MSH3: variants seen among roughly 807,000 people sequenced by gnomAD.
MSH3 encodes the protein DNA mismatch repair protein Msh3.
Under a neutral mutation model 123.3 loss-of-function variants are expected in MSH3, and 106 were observed. The ratio of observed to expected loss-of-function variants is 0.86; its 90% CI spans 0.73 to 1.01. The LOEUF (loss-of-function observed/expected upper bound fraction) is 1.01, where lower values mean the gene tolerates loss of function less well. Among genes scored for constraint, MSH3 ranks in the 50% least tolerant of loss-of-function variants. The probability of loss-of-function intolerance (pLI) is 0.00; values close to 1 mark genes in which losing one functional copy is unlikely to be tolerated. For synonymous variants in MSH3, 515 were observed against 481.4 expected, an observed-to-expected ratio of 1.07 and a Z score of -0.91; for missense variants, 1,459 against 1,347.6, an observed-to-expected ratio of 1.08 and a Z score of -1.29.
chr5:80,835,462 G>A (rs189590623), intron 20 of MSH3, among the ~76,000 whole-genome samples: 2 of 151,722 alleles, frequency 1.3e-5, no homozygotes, highest in East Asian at 3.9e-4. Context: ...TAAGCGGAAG[G>A]TAAAAAAATA....
chr5:80,792,930 C>G, intron 19 of MSH3, 86 bp downstream of exon 19: 1 of 895,354 alleles, frequency 1.1e-6, no homozygotes, highest in Admixed American at 2.1e-5. Flanking sequence ...TTAAAAGTTA[C>G]CCAAATTTCA....
chr5:80,755,967 A>G (rs1020290149), intron 12 of MSH3, among the ~76,000 whole-genome samples: 4 of 152,146 alleles, frequency 2.6e-5, no homozygotes, highest in Admixed American at 2.6e-4. Context: ...TGGTCTGGCA[A>G]TTTCCAAGCT....
intron 12 of MSH3, among the ~76,000 whole-genome samples, chr5:80,749,189 G>A (rs1346445046): frequency 1.3e-5 from 2 of 152,114 alleles, no homozygotes; most frequent in African/African-American, 2.4e-5. Context: ...CTGTCTGCAC[G>A]CTGAGGGGCA....
intron 2 of MSH3, among the ~76,000 whole-genome samples, chr5:80,660,261 A>G (rs945286817): frequency 6.6e-6 from 1 of 151,276 alleles, no homozygotes; most frequent in African/African-American, 2.4e-5. Flanking sequence ...GTTGAAAGGC[A>G]CTTCTTACAT....
chr5:80,856,284 T>G (rs940776413), intron 21 of MSH3, among the ~76,000 whole-genome samples: 13 of 151,232 alleles, frequency 8.6e-5, no homozygotes, highest in East Asian at 3.9e-4. Context: ...TAACATTTTG[T>G]TTTTTTTAAG....
At chr5:80,819,513 C>T (rs1236888993) in intron 20 of MSH3, among the ~76,000 whole-genome samples, 3 of 148,346 alleles carry the variant, frequency 2.0e-5, no homozygotes, top group Non-Finnish European at 4.5e-5. Flanking sequence ...AGTTTCGCTC[C>T]TGTCGCCCAA....
intron 20 of MSH3, among the ~76,000 whole-genome samples, chr5:80,845,471 T>C (rs1425225206): frequency 6.6e-6 from 1 of 152,216 alleles, no homozygotes; most frequent in Non-Finnish European, 1.5e-5. Flanking sequence ...AGGGAACTTC[T>C]CCTAGATAAT....
intron 20 of MSH3, among the ~76,000 whole-genome samples, chr5:80,851,303 TC>T (rs1745826501): frequency 6.6e-6 from 1 of 152,164 alleles, no homozygotes. Flanking sequence ...AGTCTCTGTC[TC>T]ATAAAAATAC....
intron 2 of MSH3, among the ~76,000 whole-genome samples, chr5:80,662,766 G>T (rs1749464110): frequency 6.6e-6 from 1 of 151,890 alleles, no homozygotes; most frequent in Non-Finnish European, 1.5e-5. Flanking sequence ...GGCAGAGGTT[G>T]CAGTGAGCCG....
intron 17 of MSH3, among the ~76,000 whole-genome samples, chr5:80,781,823 TG>T (rs982359203): frequency 2.6e-5 from 4 of 152,208 alleles, no homozygotes; most frequent in Non-Finnish European, 5.9e-5. Flanking sequence ...CTTACTGTAT[TG>T]GCCTTCTGAC....
chr5:80,830,310 C>G (rs1159782463), intron 20 of MSH3, among the ~76,000 whole-genome samples: 1 of 152,124 alleles, frequency 6.6e-6, no homozygotes, highest in South Asian at 2.1e-4. Flanking sequence ...TGCCCTTGAA[C>G]TCTTATTTTT....
intron 15 of MSH3, among the ~76,000 whole-genome samples, chr5:80,769,573 G>A (rs1744181610): frequency 6.6e-6 from 1 of 152,044 alleles, no homozygotes. Flanking sequence ...ACCAGAAAAG[G>A]AAGAAGTATG....
intron 21 of MSH3, among the ~76,000 whole-genome samples, chr5:80,855,144 T>C (rs1391951226): frequency 2.6e-5 from 4 of 152,120 alleles, no homozygotes; most frequent in Non-Finnish European, 5.9e-5. Flanking sequence ...ACTCTCTCCT[T>C]TAGTTTACTT....
Position 80,756,632 on chromosome 5 carries a change from C to G in MSH3, c.1764-4914C>G, listed in dbSNP as rs557338811. Among the ~76,000 whole-genome samples the G allele has an allele frequency of 6.6e-5, 10 of 152,284 alleles. No homozygotes were observed. In the South Asian group the frequency reaches 1.9e-3, roughly 28 times the overall value. Reference sequence around the variant, plus strand: ...GCCTGTGTTCCCATTGTACCTAGATCATAACCCAGTTATAATCTTATTACA... The same window carrying G: ...GCCTGTGTTCCCATTGTACCTAGATGATAACCCAGTTATAATCTTATTACA... On this transcript the variant is annotated intron_variant, in intron 12 of 23. Transcript: ENST00000265081.
intron 20 of MSH3, among the ~76,000 whole-genome samples, chr5:80,829,823 A>G (rs1334062727): frequency 6.6e-6 from 1 of 152,126 alleles, no homozygotes; most frequent in Admixed American, 6.5e-5. Flanking sequence ...TTCTTCCTTA[A>G]ATGTTTGATA....
chr5:80,731,348 A>G (rs1488639202), intron 10 of MSH3, among the ~76,000 whole-genome samples: 1 of 152,120 alleles, frequency 6.6e-6, no homozygotes, highest in East Asian at 1.9e-4. Context: ...GCATCTCATA[A>G]TTGATGGTGG....
chr5:80,783,999 C>T (rs1350305528), intron 17 of MSH3, among the ~76,000 whole-genome samples: 1 of 151,780 alleles, frequency 6.6e-6, no homozygotes, highest in African/African-American at 2.4e-5. Flanking sequence ...TGCTTGAGGC[C>T]AGGAATTCGA....
rs569867063 is a variant in MSH3 at position 80,796,778 on chromosome 5, T to C, written c.2655+3934T>C. Among the ~76,000 whole-genome samples the C allele has an allele frequency of 1.4e-4, 21 of 152,280 alleles. No homozygotes were observed. In the South Asian group the frequency reaches 3.9e-3, roughly 29 times the overall value. On this transcript the variant is annotated intron_variant, in intron 19 of 23. Coordinates refer to ENST00000265081, the MANE Select transcript of MSH3 (RefSeq NM_002439.5). ...TAAGAATACTTTTTAAAATACTCTT[T>C]CTTTTTGTCCCCTTCCTTGATTCAC...
chr5:80,844,986 T>C (rs910234565), intron 20 of MSH3, among the ~76,000 whole-genome samples: 15 of 152,246 alleles, frequency 9.9e-5, no homozygotes, highest in African/African-American at 3.6e-4. Flanking sequence ...ATGCAGTTTC[T>C]TCATAGCGTC....
Sources: gnomAD v4.1 joint callset for allele counts (sites outside exome capture counted in the v4.1 genomes callset) on GRCh38, gnomAD v4.1.1 for gene constraint, MANE v1.5 for transcripts, NCBI Gene and HGNC (gene_info 2026-07-23, HGNC 2026-07-21) for gene names.